The following GRIK3 variants were observed in gnomAD, a reference collection of about 807,000 sequenced individuals.
The protein encoded by GRIK3 is glutamate ionotropic receptor kainate type subunit 3.
In GRIK3, 29 loss-of-function variants were observed where a neutral mutation model predicts 102.5. The ratio of observed to expected loss-of-function variants is 0.28; its 90% CI spans 0.21 to 0.39. The LOEUF is 0.39. Ranked by LOEUF, GRIK3 falls within the 10% of genes least tolerant of loss-of-function variation. The pLI, the probability that GRIK3 is intolerant of heterozygous loss-of-function variation, is 1.00. For synonymous variants in GRIK3, 511 were observed against 504.9 expected (o/e 1.01, Z -0.16); for missense variants, 908 against 1,252.4 (o/e 0.73, Z 4.15).
At chr1:36,927,902 T>C (rs1641545879) in intron 1 of GRIK3, among the ~76,000 whole-genome samples, 1 of 151,790 alleles carries the variant, frequency 6.6e-6, no homozygotes, top group Admixed American at 6.6e-5. Flanking sequence ...ATTTCACGGA[T>C]TTAAGAAGAA....
At chr1:36,881,305 C>T (rs989199849) in intron 2 of GRIK3, among the ~76,000 whole-genome samples, 6 of 152,088 alleles carry the variant, frequency 3.9e-5, no homozygotes, top group African/African-American at 1.2e-4. Context: ...ACCTCTAGCC[C>T]GGCCTGTTCC....
intron 15 of GRIK3, 64 bp downstream of exon 15, chr1:36,804,923 A>C (rs112354975): frequency 6.3e-7 from 1 of 1,579,412 alleles, no homozygotes; most frequent in Non-Finnish European, 8.6e-7. Context: ...TGGCACATAC[A>C]GGAGTGAAAT....
chr1:36,984,171 T>G lies in GRIK3; in HGVS notation c.115+49823A>C, dbSNP rs139010833. ...TACCACCACTCATGGGCCACACACA[T>G]GCTTATGCTCTAACACACTCACACG... On this transcript the variant is annotated intron_variant, in intron 1 of 15. Transcript: ENST00000373091. Among the ~76,000 whole-genome samples the G allele has an allele frequency of 6.6e-5, 10 of 152,328 alleles. No individual in the cohort carries two copies. In the East Asian group the frequency reaches 1.9e-3, roughly 29 times the overall value.
intron 9 of GRIK3, among the ~76,000 whole-genome samples, chr1:36,849,239 C>T (rs1389951344): frequency 2.6e-5 from 4 of 152,158 alleles, no homozygotes; most frequent in Non-Finnish European, 5.9e-5. Context: ...CCAGGTAGGG[C>T]CACCCAGTAG....
chr1:36,965,363 GAAT>G (rs1473482077), intron 1 of GRIK3, among the ~76,000 whole-genome samples: 1 of 152,154 alleles, frequency 6.6e-6, no homozygotes, highest in East Asian at 1.9e-4. Flanking sequence ...GAAAAGATGA[GAAT>G]AAGCAAGCAA....
chr1:36,860,066 A>C (rs772626649), intron 5 of GRIK3, 49 bp from the exon 6 acceptor site: 1 of 1,423,882 alleles, frequency 7.0e-7, no homozygotes, highest in South Asian at 1.4e-5. Context: ...ACTGCTGAGA[A>C]CTCCAGCCCC....
chr1:36,887,808 TGAGA>T (rs55876095), intron 2 of GRIK3, among the ~76,000 whole-genome samples: 4 of 127,410 alleles, frequency 3.1e-5, no homozygotes, highest in Admixed American at 7.9e-5. Context: ...AGAGAGAGAG[TGAGA>T]GAGAGAGAGA....
intron 1 of GRIK3, among the ~76,000 whole-genome samples, chr1:37,021,983 C>T (rs1043044952): frequency 2.0e-5 from 3 of 152,240 alleles, no homozygotes; most frequent in South Asian, 2.1e-4. Flanking sequence ...GAGAAGCAAA[C>T]TTCCATATGG....
intron 1 of GRIK3, among the ~76,000 whole-genome samples, chr1:36,972,818 C>T (rs1642158490): frequency 6.6e-6 from 1 of 152,156 alleles, no homozygotes; most frequent in African/African-American, 2.4e-5. Context: ...GAAGTCGGCC[C>T]AGTTCCATGT....
intron 2 of GRIK3, among the ~76,000 whole-genome samples, chr1:36,884,361 T>C (rs528381644): frequency 6.9e-4 from 105 of 152,320 alleles, no homozygotes; most frequent in Non-Finnish European, 1.2e-3. Context: ...CTTTTTTCAG[T>C]TCCCTCTCCC....
intron 1 of GRIK3, among the ~76,000 whole-genome samples, chr1:36,926,793 G>A (rs1175415756): frequency 6.6e-6 from 1 of 152,068 alleles, no homozygotes; most frequent in Non-Finnish European, 1.5e-5. Flanking sequence ...GGCAACCCAC[G>A]TTCTTATAAC....
intron 1 of GRIK3, among the ~76,000 whole-genome samples, chr1:36,908,545 C>G (rs527996554): frequency 5.3e-5 from 8 of 152,172 alleles, no homozygotes; most frequent in Admixed American, 1.3e-4. Context: ...GAGGCTGCCC[C>G]CCTTTCCACT....
chr1:36,927,986 G>A (rs1225650389), intron 1 of GRIK3, among the ~76,000 whole-genome samples: 1 of 152,206 alleles, frequency 6.6e-6, no homozygotes, highest in Non-Finnish European at 1.5e-5. Flanking sequence ...GGGGTACCAG[G>A]CCTTGACTGG....
rs1447754452 is a variant in GRIK3 at position 36,850,305 on chromosome 1, T to C, written c.1326+6A>G. On this transcript the variant is annotated splice_donor_region_variant and intron_variant, in intron 9 of 15. Coordinates refer to ENST00000373091, the MANE Select transcript of GRIK3 (RefSeq NM_000831.4). This position sits in a 1 kb window ranked among gnomAD's most constrained non-coding sequence, Gnocchi z 4.0. ...AGTCCTTCCTGCAGGGGCTGCAGGC[T>C]CTTACCAGCACTGTGGTGACAATGA... 2 of 1,576,854 alleles carry C rather than the reference T, an allele frequency of 1.3e-6. No individual in the cohort carries two copies. The highest frequency in any genetic ancestry group is 1.7e-6 in the Non-Finnish European group (2 of 1,146,222).
At chr1:36,968,215 CT>C (rs1642099937) in intron 1 of GRIK3, among the ~76,000 whole-genome samples, 4 of 141,078 alleles carry the variant, frequency 2.8e-5, no homozygotes, top group South Asian at 2.5e-4. Flanking sequence ...TTCACTCTCT[CT>C]CTCCGTGTGT....
At chr1:37,020,465 C>T (rs78517216) in intron 1 of GRIK3, among the ~76,000 whole-genome samples, 2,624 of 152,246 alleles carry the variant, frequency 0.017, 186 homozygotes, top group Admixed American at 0.14. Context: ...GAACACAATC[C>T]TACTTACAAA....
At chr1:36,941,347 C>T (rs2124324194) in intron 1 of GRIK3, among the ~76,000 whole-genome samples, 1 of 152,348 alleles carries the variant, frequency 6.6e-6, no homozygotes, top group South Asian at 2.1e-4. Flanking sequence ...TATCTGTTGG[C>T]TGATTCCCTC....
intron 1 of GRIK3, among the ~76,000 whole-genome samples, chr1:36,905,019 T>C (rs1324530438): frequency 3.3e-5 from 5 of 152,090 alleles, no homozygotes; most frequent in Non-Finnish European, 7.3e-5. Context: ...GGTGAAAACC[T>C]AGCAGAAAGT....
rs1182834528 is a variant in GRIK3 at position 36,803,855 on chromosome 1, C to T, written c.2565+1132G>A. Among the ~76,000 whole-genome samples, 5 of 152,290 alleles carry T rather than the reference C, an allele frequency of 3.3e-5. No homozygotes were observed. In the East Asian group the frequency reaches 5.8e-4, roughly 18 times the overall value. On this transcript the variant is annotated intron_variant, in intron 15 of 15. Transcript: ENST00000373091. ...TTAGACATTTAGGTGTTTACCCCTCCCTCCCATCTCTTCGTGTTATAATTT... is the reference window on the plus strand; with the variant it reads ...TTAGACATTTAGGTGTTTACCCCTCTCTCCCATCTCTTCGTGTTATAATTT...
Sources: gnomAD v4.1 joint callset for allele counts (sites outside exome capture counted in the v4.1 genomes callset) on GRCh38, gnomAD v4.1.1 for gene constraint, Gnocchi (gnomAD v3.1) non-coding constraint, MANE v1.5 for transcripts, NCBI Gene and HGNC (gene_info 2026-07-23, HGNC 2026-07-21) for gene names.